TMCC1: variants seen among roughly 807,000 people sequenced by gnomAD.
TMCC1 encodes the protein transmembrane and coiled-coil domain family 1.
Under a neutral mutation model 52.4 loss-of-function variants are expected in TMCC1, and 15 were observed. That is an observed-to-expected ratio of 0.29 (90% CI 0.19 to 0.44). The LOEUF (loss-of-function observed/expected upper bound fraction) is 0.44, where lower values mean the gene tolerates loss of function less well. Ranked by LOEUF, TMCC1 falls within the 20% of genes least tolerant of loss-of-function variation. The pLI is 1.00. For missense variants in TMCC1, 503 were observed against 806.0 expected, an observed-to-expected ratio of 0.62 and a Z score of 4.55; for synonymous variants, 279 against 301.9, an observed-to-expected ratio of 0.92 and a Z score of 0.79.
intron 4 of TMCC1, among the ~76,000 whole-genome samples, chr3:129,742,148 T>C (rs940726851): frequency 6.6e-6 from 1 of 152,142 alleles, no homozygotes; most frequent in African/African-American, 2.4e-5. Context: ...TTGTGTTTTT[T>C]TCCTGGTCCT....
chr3:129,709,205 G>A (rs1045695385), intron 4 of TMCC1, among the ~76,000 whole-genome samples: 1 of 152,074 alleles, frequency 6.6e-6, no homozygotes, highest in African/African-American at 2.4e-5. Flanking sequence ...GCTCATGCCT[G>A]CAATCCTAGC....
In TMCC1 at chr3:129,650,823, A is replaced by G. The variant is rs1006396245; in HGVS notation, c.*658T>C. The G allele has an allele frequency of 1.3e-5, 2 of 152,656 alleles. No individual in the cohort carries two copies. The highest frequency in any genetic ancestry group is 4.8e-5 in the African/African-American group (2 of 41,448). 9.5% of individuals were successfully genotyped at this position (152,656 alleles called of 1,614,324 possible). A position where few individuals can be genotyped will look rare whatever the true frequency, so the allele number is the denominator to read the frequency against. The stretch of plus-strand genomic sequence containing the variant: ...AGTATTTAGAGGGCTACTTAAAAAT[A>G]CTGTAGTAGGACTGTGCAGTGATCC... On this transcript the variant is annotated 3_prime_UTR_variant, in exon 7 of 7. Transcript: ENST00000393238.
chr3:129,796,806 C>T (rs941126397), intron 4 of TMCC1, among the ~76,000 whole-genome samples: 3 of 152,000 alleles, frequency 2.0e-5, no homozygotes, highest in Non-Finnish European at 2.9e-5. Context: ...CTCCAGTCTG[C>T]GCAACAGAGT....
intron 4 of TMCC1, among the ~76,000 whole-genome samples, chr3:129,820,189 C>G (rs538207814): frequency 6.6e-6 from 1 of 150,508 alleles, no homozygotes; most frequent in Non-Finnish European, 1.5e-5. Flanking sequence ...AGACTTGGTT[C>G]TGACATCCAT....
Position 129,828,365 on chromosome 3 carries a change from C to T in TMCC1, c.14G>A (p.Gly5Asp). MEPS[G>D]SEQLFEDPDP... ...AGGGTCCTCAAATAACTGTTCACTG[C>T]CCGAAGGCTCCATCAGTAGACTTAA... The change falls in exon 4 of 7, where the codon GGC (glycine) becomes GAC (aspartate). Residue 5 changes from glycine to aspartate, a missense_variant. By Grantham distance (94) the Gly-to-Asp change is moderately conservative. Around this residue, in one of 7 missense-constraint regions of TMCC1, gnomAD observed 217 missense variants for 297.9 expected, o/e 0.73. Transcript: ENST00000393238. The surrounding 1 kb of genome is among the most constrained non-coding windows in gnomAD (Gnocchi z 4.1). 3 of 1,613,628 alleles carry T rather than the reference C, an allele frequency of 1.9e-6. No homozygotes were observed. Among genetic ancestry groups the T allele is most frequent in the South Asian group, 1.1e-5 (1 of 91,056 alleles).
chr3:129,839,317 C>A (rs978902074), intron 2 of TMCC1, among the ~76,000 whole-genome samples: 1 of 151,962 alleles, frequency 6.6e-6, no homozygotes, highest in Admixed American at 6.6e-5. Flanking sequence ...TAACTAAATG[C>A]GAAGTGGCAA....
chr3:129,657,483 T>C (rs1329928524), intron 5 of TMCC1, among the ~76,000 whole-genome samples: 2 of 152,178 alleles, frequency 1.3e-5, no homozygotes. Context: ...AAATATTAAG[T>C]AGGGCAGCAA....
At chr3:129,673,421 A>G (rs2088134124) in intron 4 of TMCC1, among the ~76,000 whole-genome samples, 1 of 152,244 alleles carries the variant, frequency 6.6e-6, no homozygotes, top group African/African-American at 2.4e-5. Context: ...AGCTCAAAAT[A>G]TACCACAATA....
chr3:129,718,226 A>G (rs2049258847), intron 4 of TMCC1, among the ~76,000 whole-genome samples: 1 of 152,244 alleles, frequency 6.6e-6, no homozygotes, highest in Non-Finnish European at 1.5e-5. Context: ...ATTTGCAGTC[A>G]AGAGAAATGT....
chr3:129,711,761 C>A (rs1560243389), intron 4 of TMCC1, among the ~76,000 whole-genome samples: 1 of 140,140 alleles, frequency 7.1e-6, no homozygotes, highest in South Asian at 2.3e-4. Flanking sequence ...GAGGGTGAGG[C>A]GGGCGGATCA....
At chr3:129,799,777 A>C (rs1311026343) in intron 4 of TMCC1, among the ~76,000 whole-genome samples, 1 of 152,022 alleles carries the variant, frequency 6.6e-6, no homozygotes, top group Non-Finnish European at 1.5e-5. Flanking sequence ...ATGCCACTGC[A>C]CTCCAGCCTG....
chr3:129,885,761 T>TG (rs1317146249), intron 1 of TMCC1, among the ~76,000 whole-genome samples: 1 of 151,990 alleles, frequency 6.6e-6, no homozygotes, highest in Non-Finnish European at 1.5e-5. Flanking sequence ...GTTTGTTTTT[T>TG]GAGACAGAGT....
At chr3:129,886,926 G>A (rs543221497) in intron 1 of TMCC1, among the ~76,000 whole-genome samples, 71 of 152,106 alleles carry the variant, frequency 4.7e-4, no homozygotes, top group East Asian at 2.3e-3. Context: ...GACAGAGTGA[G>A]ACTCCGTCTC....
intron 4 of TMCC1, among the ~76,000 whole-genome samples, chr3:129,752,580 C>T (rs572045446): frequency 1.3e-5 from 2 of 152,082 alleles, no homozygotes; most frequent in South Asian, 2.1e-4. Context: ...GCAGAAGAAT[C>T]GCTTGAACCT....
At chr3:129,721,297 T>C (rs1405723587) in intron 4 of TMCC1, among the ~76,000 whole-genome samples, 2 of 152,114 alleles carry the variant, frequency 1.3e-5, no homozygotes, top group East Asian at 3.9e-4. Flanking sequence ...AAAATGGCAG[T>C]CTACCCTCAA....
intron 4 of TMCC1, among the ~76,000 whole-genome samples, chr3:129,810,062 T>C (rs1362978069): frequency 6.6e-6 from 1 of 152,138 alleles, no homozygotes; most frequent in Non-Finnish European, 1.5e-5. Context: ...TACAGAACTA[T>C]GAGCAAAAAT....
In TMCC1 at chr3:129,651,831, C is replaced by T. The variant is rs374074531; in HGVS notation, c.1648-36G>A. 8 of 1,584,924 alleles carry T rather than the reference C, an allele frequency of 5.0e-6. No homozygotes were observed. The highest frequency in any genetic ancestry group is 2.7e-5 in the African/African-American group (2 of 74,228). On this transcript the variant is annotated intron_variant, in intron 6 of 6. Coordinates refer to ENST00000393238, the MANE Select transcript of TMCC1 (RefSeq NM_001017395.5). This position sits in a 1 kb window ranked among gnomAD's most constrained non-coding sequence, Gnocchi z 5.1. ...GAACAGGGAAGAGTTAAGCCTTCTG[C>T]TCACAAGTATTCTGAGATGCTGACA...
At chr3:129,746,880 C>T (rs151037396) in intron 4 of TMCC1, among the ~76,000 whole-genome samples, 178 of 152,242 alleles carry the variant, frequency 1.2e-3, no homozygotes, top group African/African-American at 3.7e-3. Flanking sequence ...GAAAGAACAC[C>T]TACTACCTTA....
intron 4 of TMCC1, among the ~76,000 whole-genome samples, chr3:129,803,058 A>T (rs1185879437): frequency 6.6e-6 from 1 of 152,242 alleles, no homozygotes; most frequent in Admixed American, 6.5e-5. Context: ...AAGGAGCCAA[A>T]TTCTTTTATC....
Sources: allele counts gnomAD v4.1 joint callset (sites outside exome capture counted in the v4.1 genomes callset), GRCh38; gene constraint gnomAD v4.1.1; regional missense constraint gnomAD v4.1.1; non-coding constraint Gnocchi (gnomAD v3.1); transcripts MANE v1.5; gene names NCBI Gene and HGNC (gene_info 2026-07-23, HGNC 2026-07-21).